ATXN7L1: variants seen among roughly 807,000 people sequenced by gnomAD.
ATXN7L1 encodes ataxin-7-like protein 1.
A neutral mutation model predicts 70.8 loss-of-function variants in ATXN7L1; 15 were observed. The observed-to-expected ratio is 0.21, with a 90% confidence interval of 0.14 to 0.33. The LOEUF (loss-of-function observed/expected upper bound fraction) is 0.33, where lower values mean the gene tolerates loss of function less well. Ranked by LOEUF, ATXN7L1 falls within the 10% of genes least tolerant of loss-of-function variation. ATXN7L1 has a pLI of 1.00. For synonymous variants in ATXN7L1, 440 were observed against 445.1 expected, an observed-to-expected ratio of 0.99 and a Z score of 0.14; for missense variants, 975 against 1,097.1, an observed-to-expected ratio of 0.89 and a Z score of 1.57.
chr7:105,808,050 G>T (rs1807878334), intron 2 of ATXN7L1, among the ~76,000 whole-genome samples: 1 of 152,176 alleles, frequency 6.6e-6, no homozygotes, highest in Admixed American at 6.5e-5. Context: ...TGCAATGTCA[G>T]AACCACCCAA....
At chr7:105,689,589 C>A (rs1310299013) in intron 3 of ATXN7L1, among the ~76,000 whole-genome samples, 1 of 152,144 alleles carries the variant, frequency 6.6e-6, no homozygotes, top group East Asian at 1.9e-4. Context: ...CCAACACACA[C>A]CTCAAGCTTG....
Position 105,639,468 on chromosome 7 carries a change from T to C in ATXN7L1, c.945+19A>G. On this transcript the variant is annotated intron_variant, in intron 6 of 11. Transcript: ENST00000419735. ...GCCCCAGCGAGAGCAGGAAGTATTT[T>C]TTATGGAAAGAGAAATACCTTGCAG... 2 of 1,541,350 alleles carry C rather than the reference T, an allele frequency of 1.3e-6. No individual in the cohort carries two copies. Among genetic ancestry groups the C allele is most frequent in the Non-Finnish European group, 1.8e-6 (2 of 1,137,890 alleles).
intron 3 of ATXN7L1, chr7:105,761,552 C>T: frequency 1.3e-6 from 2 of 1,517,316 alleles, no homozygotes; most frequent in Non-Finnish European, 1.8e-6. Context: ...TTACTCATGC[C>T]AATTGCCATG....
chr7:105,717,329 T>C (rs940034163), intron 3 of ATXN7L1, among the ~76,000 whole-genome samples: 13 of 152,254 alleles, frequency 8.5e-5, no homozygotes, highest in Middle Eastern at 3.4e-3. Flanking sequence ...GGTTTTGCCA[T>C]GTTAGTCAGG....
intron 7 of ATXN7L1, among the ~76,000 whole-genome samples, chr7:105,634,934 A>G (rs2115876523): frequency 6.6e-6 from 1 of 151,808 alleles, no homozygotes; most frequent in Middle Eastern, 3.4e-3. Flanking sequence ...AAAAAAAAAG[A>G]GAATTGGCTT....
chr7:105,774,442 C>T (rs1021139236), intron 3 of ATXN7L1, among the ~76,000 whole-genome samples: 1 of 151,194 alleles, frequency 6.6e-6, no homozygotes, highest in Non-Finnish European at 1.5e-5. Context: ...ACCTCCACCT[C>T]CCAGGTTCAA....
intron 2 of ATXN7L1, among the ~76,000 whole-genome samples, chr7:105,790,674 ACTATCTAT>A (rs3036755): frequency 0.013 from 1,510 of 113,320 alleles, 13 homozygotes; most frequent in Non-Finnish European, 0.017. Flanking sequence ...CTATCTATCT[ACTATCTAT>A]CTATCTATCT....
intron 7 of ATXN7L1, among the ~76,000 whole-genome samples, chr7:105,624,874 A>G (rs1795472976): frequency 6.6e-6 from 1 of 152,202 alleles, no homozygotes; most frequent in South Asian, 2.1e-4. Flanking sequence ...GAGATATGGG[A>G]ACGTGACAAA....
At chr7:105,666,053 G>T (rs537221535) in intron 3 of ATXN7L1, among the ~76,000 whole-genome samples, 1 of 152,336 alleles carries the variant, frequency 6.6e-6, no homozygotes, top group African/African-American at 2.4e-5. Context: ...GAATGGGCAG[G>T]ATGAGGATAC....
chr7:105,685,690 A>G (rs1207013143), intron 3 of ATXN7L1, among the ~76,000 whole-genome samples: 1 of 152,176 alleles, frequency 6.6e-6, no homozygotes, highest in East Asian at 1.9e-4. Context: ...CCGGCAGGTG[A>G]TGAAGGGCCG....
chr7:105,700,159 T>C (rs1357182071), intron 3 of ATXN7L1, among the ~76,000 whole-genome samples: 1 of 152,106 alleles, frequency 6.6e-6, no homozygotes, highest in Non-Finnish European at 1.5e-5. Context: ...GTGCACACGA[T>C]GTTTTCTTTT....
intron 3 of ATXN7L1, among the ~76,000 whole-genome samples, chr7:105,670,866 G>A (rs548959743): frequency 3.3e-5 from 5 of 152,212 alleles, no homozygotes; most frequent in African/African-American, 1.2e-4. Flanking sequence ...CAGCACTTTG[G>A]GAGGCCGAGG....
chr7:105,606,479 T>G lies in ATXN7L1; in HGVS notation c.*1373A>C, dbSNP rs1248316410. On this transcript the variant is annotated 3_prime_UTR_variant, in exon 12 of 12. Transcript: ENST00000419735. ...ATGAAACAAAACCTCCCAGTATCTT[T>G]GCTATACATCATATACAAAGTTACA... 6.6e-6 allele frequency: 1 copy of G among 152,248 alleles called. No homozygotes were observed. Among genetic ancestry groups the G allele is most frequent in the Non-Finnish European group, 1.5e-5 (1 of 68,044 alleles). The allele number at this position is 152,248 out of a possible 1,614,324, so 9.4% of individuals were successfully genotyped here. A position where few individuals can be genotyped will look rare whatever the true frequency, so the allele number is the denominator to read the frequency against.
chr7:105,694,710 G>T (rs1791482502), intron 3 of ATXN7L1, among the ~76,000 whole-genome samples: 1 of 152,164 alleles, frequency 6.6e-6, no homozygotes, highest in Non-Finnish European at 1.5e-5. Flanking sequence ...ATTTGGAGAG[G>T]CTATGTGATT....
chr7:105,711,526 C>T (rs576374769), intron 3 of ATXN7L1, among the ~76,000 whole-genome samples: 33 of 152,332 alleles, frequency 2.2e-4, no homozygotes, highest in African/African-American at 7.9e-4. Context: ...TTGGCCAAAA[C>T]AAAGGGGCAA....
chr7:105,620,174 A>G, intron 9 of ATXN7L1, 26 bp downstream of exon 9: 1 of 1,550,198 alleles, frequency 6.5e-7, no homozygotes, highest in Non-Finnish European at 8.7e-7. Context: ...CTTGGATCTT[A>G]TATTGCACAA....
chr7:105,727,775 T>TAC (rs1231586764), intron 3 of ATXN7L1, among the ~76,000 whole-genome samples: 22 of 115,420 alleles, frequency 1.9e-4, no homozygotes, highest in African/African-American at 5.4e-4. Flanking sequence ...TATATATATA[T>TAC]ATACACACAC....
At position 105,614,207 on chromosome 7, in the gene ATXN7L1, T is replaced by G. The variant is rs950863714; in HGVS notation, c.2127A>C (p.Pro709=). 6.4e-7 allele frequency: 1 copy of G among 1,551,674 alleles called. No individual in the cohort carries two copies. Among genetic ancestry groups the G allele is most frequent in the East Asian group, 2.4e-5 (1 of 40,894 alleles). Residue 709 remains proline (P), a synonymous_variant, in exon 10 of 12, where the codon CCA becomes CCC. Transcript: ENST00000419735. This position sits in a 1 kb window ranked among gnomAD's most constrained non-coding sequence, Gnocchi z 4.3. The part of the protein sequence containing the change: ...SVHNSNNGVS[P]LSAKLEPSGR... ...CTGAGGGCTCCAGTTTGGCACTGAG[T>G]GGGCTCACCCCATTGTTTGAGTTGT...
rs556048408 is a variant in ATXN7L1, at chr7:105,740,784, T to TTTTTTTTTTTTTTTTTTTTTTTTTTG, written c.355+47819_355+47820insCAAAAAAAAAAAAAAAAAAAAAAAAA. 4.0e-3 allele frequency among the ~76,000 whole-genome samples: 308 copies of TTTTTTTTTTTTTTTTTTTTTTTTTTG among 77,828 alleles called. 89 individuals are homozygous for TTTTTTTTTTTTTTTTTTTTTTTTTTG. The highest frequency in any genetic ancestry group is 9.7e-3 in the African/African-American group (158 of 16,336). 51.1% of individuals were successfully genotyped at this position (77,828 alleles called of 152,430 possible). A position where few individuals can be genotyped will look rare whatever the true frequency, so the allele number is the denominator to read the frequency against. ...GGCTCCATTCATTTTTTTTTTTTTT[T>TTTTTTTTTTTTTTTTTTTTTTTTTTG]AATGGAGTCTCACTCTGTCGCCCAG... On this transcript the variant is annotated intron_variant, in intron 3 of 11. Coordinates refer to ENST00000419735, the MANE Select transcript of ATXN7L1 (RefSeq NM_020725.2).
Sources: allele counts gnomAD v4.1 joint callset (sites outside exome capture counted in the v4.1 genomes callset), GRCh38; gene constraint gnomAD v4.1.1; non-coding constraint Gnocchi (gnomAD v3.1); transcripts MANE v1.5; gene names NCBI Gene and HGNC (gene_info 2026-07-23, HGNC 2026-07-21).